The following NECAB2 variants were observed in gnomAD, a reference collection of about 807,000 sequenced individuals.
The protein encoded by NECAB2 is N-terminal EF-hand calcium binding protein 2.
In NECAB2, 68 loss-of-function variants were observed where a neutral mutation model predicts 51.9. The ratio of observed to expected loss-of-function variants is 1.31; its 90% CI spans 1.08 to 1.60. The LOEUF is 1.60. Among genes scored for constraint, NECAB2 ranks in the 40% most tolerant of loss-of-function variants. The pLI is 0.00. For missense variants in NECAB2, 854 were observed against 490.3 expected (o/e 1.74, Z -7.00); for synonymous variants, 329 against 203.5 (o/e 1.62, Z -5.25).
chr16:83,998,146 G>A (rs746374100), intron 9 of NECAB2, 59 bp from the exon 10 acceptor site: 4 of 1,491,292 alleles, frequency 2.7e-6, no homozygotes, highest in Non-Finnish European at 3.7e-6. Context: ...GGCCTGATGG[G>A]GTGTTTAGGG....
intron 1 of NECAB2, among the ~76,000 whole-genome samples, chr16:83,969,719 G>C (rs959710622): frequency 3.3e-5 from 5 of 152,292 alleles, no homozygotes; most frequent in African/African-American, 1.2e-4. Context: ...GGAGGAGGTG[G>C]AGGAGGCTTC....
intron 5 of NECAB2, among the ~76,000 whole-genome samples, chr16:83,986,575 C>G (rs2084559125): frequency 6.6e-6 from 1 of 152,058 alleles, no homozygotes; most frequent in Non-Finnish European, 1.5e-5. Flanking sequence ...TACAGTGGCA[C>G]AGTCATTACT....
At position 83,994,380 on chromosome 16, in the gene NECAB2, C is replaced by T. The variant is rs147022655; in HGVS notation, c.675C>T (p.His225=). Residue 225 remains histidine, a synonymous_variant, in exon 7 of 13, where the codon CAC becomes CAT. Transcript: ENST00000305202. The stretch of plus-strand genomic sequence containing the variant: ...CCACTCCCGCCTCTGCCCCCAACCA[C>T]AAGCTCATGGCTATGGAACAAGGCA... The part of the protein sequence containing the change: ...GSPTPASAPN[H]KLMAMEQGKT... 6.2e-7 allele frequency: 1 copy of T among 1,614,210 alleles called. No homozygotes were observed. The highest frequency in any genetic ancestry group is 8.5e-7 in the Non-Finnish European group (1 of 1,180,048).
chr16:83,984,986 G>C (rs8053934), intron 5 of NECAB2, among the ~76,000 whole-genome samples: 43,903 of 152,044 alleles, frequency 0.29, 12,906 homozygotes, highest in African/African-American at 0.76. Flanking sequence ...AAATGGAATG[G>C]TTTTTTTGAT....
At chr16:83,995,059 C>T (rs1428633328) in intron 8 of NECAB2, among the ~76,000 whole-genome samples, 1 of 152,076 alleles carries the variant, frequency 6.6e-6, no homozygotes, top group African/African-American at 2.4e-5. Flanking sequence ...AAGGCAGCAC[C>T]AGGATGAAAG....
At chr16:83,985,036 G>T (rs1328119446) in intron 5 of NECAB2, among the ~76,000 whole-genome samples, 1 of 151,998 alleles carries the variant, frequency 6.6e-6, no homozygotes, top group Non-Finnish European at 1.5e-5. Context: ...ATGGGGGCTG[G>T]GTGCAGTGGC....
At position 84,002,404 on chromosome 16, in the gene NECAB2, C is replaced by CGGAGGAG; in HGVS notation, c.*58_*59insGGAGGAG. 1 of 1,560,080 alleles carries CGGAGGAG rather than the reference C, an allele frequency of 6.4e-7. No homozygotes were observed. Among genetic ancestry groups the CGGAGGAG allele is most frequent in the African/African-American group, 1.8e-5 (1 of 54,928 alleles). On this transcript the variant is annotated 3_prime_UTR_variant, in exon 13 of 13. Transcript: ENST00000305202. ...AGCCCCTTCTTCTTGTGAAGGAAAT[C>CGGAGGAG]CCGTTTTTTTCTAGACAGACACTTT... is the stretch of plus-strand genomic sequence containing the variant.
chr16:83,984,607 G>T (rs553994165), intron 5 of NECAB2, among the ~76,000 whole-genome samples: 76 of 152,150 alleles, frequency 5.0e-4, no homozygotes, highest in African/African-American at 1.8e-3. Flanking sequence ...GGATGTGTCT[G>T]TAGTTCCCAC....
chr16:83,975,045 G>T (rs1001598470), intron 2 of NECAB2, among the ~76,000 whole-genome samples: 6 of 133,282 alleles, frequency 4.5e-5, no homozygotes, highest in Admixed American at 1.5e-4. Flanking sequence ...GAGGTGTGCA[G>T]GGATGAGAGC....
chr16:83,977,000 C>G (rs1453734682), intron 2 of NECAB2, among the ~76,000 whole-genome samples: 3 of 152,218 alleles, frequency 2.0e-5, no homozygotes, highest in Admixed American at 6.5e-5. Context: ...ACAAGGGCAC[C>G]CACCCGAGGA....
chr16:84,002,250 GACC>G (rs751697045), intron 12 of NECAB2, 65 bp from the exon 13 acceptor site: 2 of 1,570,008 alleles, frequency 1.3e-6, no homozygotes, highest in Admixed American at 1.7e-5. Context: ...CATTCAAGAC[GACC>G]ACCACCAGCT....
chr16:83,978,041 T>C (rs535754946), intron 2 of NECAB2, among the ~76,000 whole-genome samples: 1 of 152,238 alleles, frequency 6.6e-6, no homozygotes, highest in African/African-American at 2.4e-5. Flanking sequence ...GGTGGCCATG[T>C]AAATTGAGAG....
chr16:83,999,510 A>G (rs1001872641), intron 10 of NECAB2, among the ~76,000 whole-genome samples: 2 of 152,088 alleles, frequency 1.3e-5, no homozygotes. Flanking sequence ...AGCTGCACGG[A>G]GGTGTGTCCA....
At chr16:83,988,886 T>A (rs2084587623) in intron 5 of NECAB2, among the ~76,000 whole-genome samples, 1 of 152,190 alleles carries the variant, frequency 6.6e-6, no homozygotes, top group African/African-American at 2.4e-5. Context: ...TACCCCTGTG[T>A]CAAATCTGGG....
chr16:83,988,155 C>T (rs1225003053), intron 5 of NECAB2, among the ~76,000 whole-genome samples: 1 of 152,196 alleles, frequency 6.6e-6, no homozygotes. Flanking sequence ...TTAATCAGAT[C>T]TGGGACTTTG....
At chr16:83,971,888 G>C (rs535298475) in intron 1 of NECAB2, 3 of 592,186 alleles carry the variant, frequency 5.1e-6, no homozygotes. Flanking sequence ...GGGCCTGCGT[G>C]TGTGTGTCAG....
chr16:83,983,966 C>G (rs1432095047), intron 5 of NECAB2, among the ~76,000 whole-genome samples: 2 of 150,200 alleles, frequency 1.3e-5, no homozygotes, highest in African/African-American at 2.5e-5. Flanking sequence ...TTTCACTTGT[C>G]CATTGTAAAA....
Position 83,968,681 on chromosome 16 carries a change from C to A in NECAB2, c.33C>A (p.Ala11=). MCERAARLCR[A]GAHRLLREPP... ...AGCGGGCGGCGCGCCTGTGCAGGGC[C>A]GGCGCGCACAGGCTGCTCCGGGAGC... Residue 11 remains alanine, a synonymous_variant, in exon 1 of 13, where the codon GCC becomes GCA. Transcript: ENST00000305202. The A allele has an allele frequency of 3.0e-6, 3 of 988,264 alleles. No homozygotes were observed. The highest frequency in any genetic ancestry group is 3.6e-6 in the Non-Finnish European group (3 of 833,702). 61.2% of individuals were successfully genotyped at this position (988,264 alleles called of 1,614,324 possible).
intron 2 of NECAB2, among the ~76,000 whole-genome samples, chr16:83,974,175 G>T (rs915329581): frequency 6.6e-6 from 1 of 152,176 alleles, no homozygotes; most frequent in African/African-American, 2.4e-5. Flanking sequence ...CAGGGTGAAT[G>T]TGGGTGTGAG....
Sources: gnomAD v4.1 joint callset for allele counts (sites outside exome capture counted in the v4.1 genomes callset) on GRCh38, gnomAD v4.1.1 for gene constraint, MANE v1.5 for transcripts, NCBI Gene and HGNC (gene_info 2026-07-23, HGNC 2026-07-21) for gene names.